TRIM67: variants seen among roughly 807,000 people sequenced by gnomAD.
The protein encoded by TRIM67 is tripartite motif-containing protein 67.
In TRIM67, 39 loss-of-function variants were observed where a neutral mutation model predicts 71.0. That is an observed-to-expected ratio of 0.55 (90% CI 0.43 to 0.72). The LOEUF (loss-of-function observed/expected upper bound fraction) is 0.72, where lower values mean the gene tolerates loss of function less well. TRIM67 is among the 30% of genes least tolerant of loss of function. The pLI, the probability that TRIM67 is intolerant of heterozygous loss-of-function variation, is 0.00. For synonymous variants in TRIM67, 481 were observed against 473.9 expected (o/e 1.01, Z -0.19); for missense variants, 973 against 1,079.2 (o/e 0.90, Z 1.38).
chr1:231,162,898 C>A lies in TRIM67; in HGVS notation c.-72C>A. On this transcript the variant is annotated 5_prime_UTR_variant, in exon 1 of 10. Transcript: ENST00000366653. Reference sequence around the variant, plus strand: ...TCTCACCGGGGCGCACCGCGCTGGTCCTCCTCCGCCAGTCTCCCGAGCTCC... The same window carrying A: ...TCTCACCGGGGCGCACCGCGCTGGTACTCCTCCGCCAGTCTCCCGAGCTCC... 1 of 1,547,814 alleles carries A rather than the reference C, an allele frequency of 6.5e-7. No homozygotes were observed.
At chr1:231,177,410 C>G (rs1419586507) in intron 1 of TRIM67, among the ~76,000 whole-genome samples, 1 of 152,212 alleles carries the variant, frequency 6.6e-6, no homozygotes, top group Non-Finnish European at 1.5e-5. Context: ...CGATGAGAAC[C>G]TCCCCTGGCT....
rs1684129336 is a variant in TRIM67 at position 231,221,147 on chromosome 1, TG to T, written c.*5708del. 1 of 152,214 alleles carries T rather than the reference TG, an allele frequency of 6.6e-6. No individual in the cohort carries two copies. The allele number at this position is 152,214 out of a possible 1,614,324, so 9.4% of individuals were successfully genotyped here. A position where few individuals can be genotyped will look rare whatever the true frequency, so the allele number is the denominator to read the frequency against. ...TGTTGTATTAAGCATGAGAGGTGTTTGTTTAACGTTGGCAAAGGGATTTAAC... is the reference window on the plus strand; with the variant it reads ...TGTTGTATTAAGCATGAGAGGTGTTTTTTAACGTTGGCAAAGGGATTTAAC... On this transcript the variant is annotated 3_prime_UTR_variant, in exon 10 of 10. Transcript: ENST00000366653.
At chr1:231,165,662 T>C (rs1313611008) in intron 1 of TRIM67, among the ~76,000 whole-genome samples, 1 of 152,220 alleles carries the variant, frequency 6.6e-6, no homozygotes, top group Non-Finnish European at 1.5e-5. Flanking sequence ...TTAGTTATCA[T>C]TCATATGATA....
chr1:231,164,078 C>A, intron 1 of TRIM67, 65 bp downstream of exon 1: 1 of 1,392,328 alleles, frequency 7.2e-7, no homozygotes, highest in Non-Finnish European at 9.4e-7. Flanking sequence ...AGGCTTTTGG[C>A]CTCTCCCTTG....
rs746024057 is a variant in TRIM67, at chr1:231,163,129, G to A, written c.160G>A (p.Gly54Arg). The part of the protein sequence containing the change: ...HLPQPLLLSR[G>R]SGLQAGAAAA... ...GCCCCAGCCGCTCCTGCTTTCCCGG[G>A]GATCGGGGCTGCAGGCGGGCGCCGC... Residue 54 changes from glycine (G) to arginine (R), a missense_variant, in exon 1 of 10, where the codon GGA (glycine) becomes AGA (arginine). Around this residue, in one of 2 missense-constraint regions of TRIM67, gnomAD observed 795 missense variants for 831.3 expected, o/e 0.96. Coordinates refer to ENST00000366653, the MANE Select transcript of TRIM67 (RefSeq NM_001004342.5). The A allele has an allele frequency of 4.5e-6, 7 of 1,550,188 alleles. No homozygotes were observed. In the South Asian group the frequency reaches 5.9e-5, roughly 13 times the overall value.
chr1:231,165,323 G>A (rs1358666749), intron 1 of TRIM67, among the ~76,000 whole-genome samples: 1 of 152,192 alleles, frequency 6.6e-6, no homozygotes, highest in African/African-American at 2.4e-5. Flanking sequence ...TTTACTAGCT[G>A]TATGAGTCTA....
chr1:231,168,826 G>A (rs966864524), intron 1 of TRIM67, among the ~76,000 whole-genome samples: 14 of 152,206 alleles, frequency 9.2e-5, no homozygotes, highest in African/African-American at 3.1e-4. Flanking sequence ...CCCACCTAAG[G>A]CATTTTTGGG....
Position 231,209,555 on chromosome 1 carries a change from C to T in TRIM67, c.2123+305C>T, listed in dbSNP as rs917868881. Among the ~76,000 whole-genome samples the T allele has an allele frequency of 1.2e-4, 18 of 152,288 alleles. No homozygotes were observed. Among genetic ancestry groups the T allele is most frequent in the Non-Finnish European group, 1.6e-4 (11 of 68,036 alleles). On this transcript the variant is annotated intron_variant, in intron 8 of 9. Coordinates refer to ENST00000366653, the MANE Select transcript of TRIM67 (RefSeq NM_001004342.5). The surrounding 1 kb of genome is among the most constrained non-coding windows in gnomAD (Gnocchi z 4.1). Reference sequence around the variant, plus strand: ...GGAGCTCGTAGTTTTCTTTCTGGTACGGCTTCACTTTCCTTTTCAACTGTC... The same window carrying T: ...GGAGCTCGTAGTTTTCTTTCTGGTATGGCTTCACTTTCCTTTTCAACTGTC...
chr1:231,200,202 C>T lies in TRIM67; in HGVS notation c.1318C>T (p.Leu440=), dbSNP rs373858001. ...ATTGAAGCTGCGTCAGTCCACCGGA[C>T]TGATGGAGTACTGCCTGGAGGTGAT... The part of the protein sequence containing the change: ...CTLKLRQSTG[L]MEYCLEVIKE... The change falls in exon 4 of 10, where the codon CTG becomes TTG. Residue 440 remains leucine (L), a synonymous_variant. Transcript: ENST00000366653. The T allele has an allele frequency of 1.8e-4, 296 of 1,613,862 alleles. 2 individuals carry two copies. In the South Asian group the frequency reaches 2.2e-3, roughly 12 times the overall value.
At chr1:231,178,948 C>G (rs532535071) in intron 1 of TRIM67, among the ~76,000 whole-genome samples, 1 of 152,114 alleles carries the variant, frequency 6.6e-6, no homozygotes, top group Non-Finnish European at 1.5e-5. Flanking sequence ...AGCCCAACAC[C>G]CATTTTTATG....
At position 231,219,043 on chromosome 1, in the gene TRIM67, G is replaced by C; in HGVS notation, c.*3603G>C. On this transcript the variant is annotated 3_prime_UTR_variant, in exon 10 of 10. Coordinates refer to ENST00000366653, the MANE Select transcript of TRIM67 (RefSeq NM_001004342.5). ...GGGTTTCGGCACCGGTGGGCAGGTG[G>C]TTCAGTGTCAAGGAGGCTGCTGCTG... 1 of 985,514 alleles carries C rather than the reference G, an allele frequency of 1.0e-6. No homozygotes were observed. Among genetic ancestry groups the C allele is most frequent in the Non-Finnish European group, 1.2e-6 (1 of 830,008 alleles). The allele number at this position is 985,514 out of a possible 1,614,324, so 61.0% of individuals were successfully genotyped here.
Position 231,162,677 on chromosome 1 carries a change from A to C in TRIM67, c.-293A>C. 4.9e-6 allele frequency: 2 copies of C among 405,900 alleles called. No individual in the cohort carries two copies. Among genetic ancestry groups the C allele is most frequent in the Non-Finnish European group, 4.4e-6 (1 of 226,072 alleles). The allele number at this position is 405,900 out of a possible 1,614,324, so 25.1% of individuals were successfully genotyped here. A position where few individuals can be genotyped will look rare whatever the true frequency, so the allele number is the denominator to read the frequency against. ...CATCACCTAAAGCTCCTCGCAGGCC[A>C]CCGCGAGGGCAGCCGACCGGCTCCG... On this transcript the variant is annotated 5_prime_UTR_variant, in exon 1 of 10. Transcript: ENST00000366653.
intron 4 of TRIM67, among the ~76,000 whole-genome samples, chr1:231,200,669 C>A (rs1028708637): frequency 6.6e-6 from 1 of 152,186 alleles, no homozygotes; most frequent in African/African-American, 2.4e-5. Flanking sequence ...TTCTCGGGGC[C>A]ATCTCTCCTG....
intron 1 of TRIM67, among the ~76,000 whole-genome samples, chr1:231,181,870 G>C (rs1571877681): frequency 1.3e-5 from 2 of 152,254 alleles, no homozygotes; most frequent in South Asian, 2.1e-4. Flanking sequence ...TGGATAGTTT[G>C]ATTTGGCTTA....
chr1:231,194,419 A>G (rs1486199419), intron 1 of TRIM67, among the ~76,000 whole-genome samples: 3 of 152,128 alleles, frequency 2.0e-5, no homozygotes, highest in South Asian at 2.1e-4. Flanking sequence ...GGGCAGAAAT[A>G]ATTTGATAAA....
At chr1:231,200,816 G>A (rs757671602) in intron 4 of TRIM67, among the ~76,000 whole-genome samples, 24 of 152,304 alleles carry the variant, frequency 1.6e-4, no homozygotes, top group Admixed American at 2.6e-4. Flanking sequence ...ACAGGGACAC[G>A]TGCAAATGTC....
At position 231,209,362 on chromosome 1, in the gene TRIM67, G is replaced by T; in HGVS notation, c.2123+112G>T. ...CAAAGCCAGGAGGAATTGAGAGGAG[G>T]TATTTTCAGCCACTTTGGTCTCCAT... is the stretch of plus-strand genomic sequence containing the variant. On this transcript the variant is annotated intron_variant, in intron 8 of 9. Transcript: ENST00000366653. This position sits in a 1 kb window ranked among gnomAD's most constrained non-coding sequence, Gnocchi z 4.1. 8.0e-7 allele frequency: 1 copy of T among 1,250,858 alleles called. No individual in the cohort carries two copies. The highest frequency in any genetic ancestry group is 1.1e-6 in the Non-Finnish European group (1 of 932,232). 77.5% of individuals were successfully genotyped at this position (1,250,858 alleles called of 1,614,324 possible).
chr1:231,199,231 T>A, intron 3 of TRIM67, 62 bp downstream of exon 3: 1 of 1,538,690 alleles, frequency 6.5e-7, no homozygotes, highest in South Asian at 1.1e-5. Context: ...CAGCGTGGGG[T>A]GGAGCACAGA....
intron 5 of TRIM67, among the ~76,000 whole-genome samples, chr1:231,202,645 T>C (rs1683584798): frequency 6.6e-6 from 1 of 152,112 alleles, no homozygotes; most frequent in Non-Finnish European, 1.5e-5. Flanking sequence ...ATCTGTGAAC[T>C]CAGGAAGTCC....
Sources: gnomAD v4.1 joint callset for allele counts (sites outside exome capture counted in the v4.1 genomes callset) on GRCh38, gnomAD v4.1.1 for gene constraint, gnomAD v4.1.1 regional missense constraint, Gnocchi (gnomAD v3.1) non-coding constraint, MANE v1.5 for transcripts, NCBI Gene and HGNC (gene_info 2026-07-23, HGNC 2026-07-21) for gene names.